The following SOX6 variants were observed in gnomAD, a reference collection of about 807,000 sequenced individuals.
SOX6 encodes SRY-box transcription factor 6.
In SOX6, 11 loss-of-function variants were observed where a neutral mutation model predicts 97.8. That is an observed-to-expected ratio of 0.11 (90% confidence interval 0.07 to 0.19). The LOEUF is 0.19. Among genes scored for constraint, SOX6 ranks in the 10% least tolerant of loss-of-function variants. SOX6 has a pLI of 1.00. For synonymous variants in SOX6, 360 were observed against 371.4 expected (o/e 0.97, Z 0.35); for missense variants, 810 against 1,039.5 (o/e 0.78, Z 3.04).
intron 3 of SOX6, among the ~76,000 whole-genome samples, chr11:16,688,393 C>T (rs1380069520): frequency 1.3e-5 from 2 of 152,182 alleles, no homozygotes; most frequent in South Asian, 2.1e-4. Context: ...TTCAGAGATT[C>T]CTATTACACA....
At chr11:16,108,226 T>C (rs1849144287) in intron 7 of SOX6, among the ~76,000 whole-genome samples, 1 of 152,106 alleles carries the variant, frequency 6.6e-6, no homozygotes, top group Non-Finnish European at 1.5e-5. Flanking sequence ...TATTATCATA[T>C]CATAACTAGT....
intron 6 of SOX6, among the ~76,000 whole-genome samples, chr11:16,137,330 G>A (rs1849994315): frequency 6.6e-6 from 1 of 152,146 alleles, no homozygotes; most frequent in Non-Finnish European, 1.5e-5. Flanking sequence ...GGATGCTGAG[G>A]CACAAGAATC....
At chr11:16,085,651 C>A (rs1400715693) in intron 9 of SOX6, among the ~76,000 whole-genome samples, 1 of 152,080 alleles carries the variant, frequency 6.6e-6, no homozygotes. Flanking sequence ...CCTTAGAATA[C>A]GAGAGGTTAA....
At chr11:16,221,239 A>G (rs566790385) in intron 4 of SOX6, among the ~76,000 whole-genome samples, 2 of 152,106 alleles carry the variant, frequency 1.3e-5, no homozygotes, top group South Asian at 4.1e-4. Flanking sequence ...CTGGTTTCTT[A>G]GCATGAATCA....
At chr11:16,702,052 A>G (rs1848099014) in intron 3 of SOX6, among the ~76,000 whole-genome samples, 2 of 152,228 alleles carry the variant, frequency 1.3e-5, no homozygotes, top group Non-Finnish European at 2.9e-5. Context: ...CAACAATACC[A>G]TAGAATTCAG....
chr11:16,539,802 C>T (rs1009128608), intron 4 of SOX6, among the ~76,000 whole-genome samples: 85 of 152,296 alleles, frequency 5.6e-4, no homozygotes, highest in African/African-American at 2.0e-3. Flanking sequence ...AGACCAATAA[C>T]AGGTTCTGAA....
chr11:16,009,024 T>C (rs184407679), intron 13 of SOX6, among the ~76,000 whole-genome samples: 179 of 152,166 alleles, frequency 1.2e-3, no homozygotes, highest in Non-Finnish European at 2.0e-3. Flanking sequence ...GACGCCATTT[T>C]GGGTAGCTAT....
chr11:16,380,926 C>A (rs1440032104), intron 1 of SOX6, among the ~76,000 whole-genome samples: 1 of 151,980 alleles, frequency 6.6e-6, no homozygotes, highest in Non-Finnish European at 1.5e-5. Flanking sequence ...CCAAAAGTCC[C>A]GGCCCTGATT....
At chr11:16,675,701 G>A (rs1471190849) in intron 3 of SOX6, among the ~76,000 whole-genome samples, 1 of 152,066 alleles carries the variant, frequency 6.6e-6, no homozygotes, top group Non-Finnish European at 1.5e-5. Context: ...CCTTCATATT[G>A]GAAAGATAGT....
chr11:16,325,061 T>C (rs188368026), intron 2 of SOX6, among the ~76,000 whole-genome samples: 2 of 152,288 alleles, frequency 1.3e-5, no homozygotes, highest in East Asian at 1.9e-4. Context: ...CACAATAAAA[T>C]GTTAATGGCC....
intron 1 of SOX6, among the ~76,000 whole-genome samples, chr11:16,398,617 T>C (rs1206061623): frequency 1.3e-5 from 2 of 151,506 alleles, no homozygotes; most frequent in Non-Finnish European, 3.0e-5. Flanking sequence ...ATGGGTCTTA[T>C]TGAGGTCTAG....
chr11:16,376,022 CTGT>C (rs1477988907), intron 1 of SOX6, among the ~76,000 whole-genome samples: 76 of 152,050 alleles, frequency 5.0e-4, no homozygotes, highest in Middle Eastern at 6.8e-3. Flanking sequence ...ACAATGGGGC[CTGT>C]CAGGGAGTTG....
At chr11:16,668,016 TC>T (rs1400706394) in intron 3 of SOX6, among the ~76,000 whole-genome samples, 1 of 152,208 alleles carries the variant, frequency 6.6e-6, no homozygotes, top group African/African-American at 2.4e-5. Flanking sequence ...GCAATCAGTG[TC>T]AAGTTATCAG....
chr11:16,399,198 G>A (rs1021569448), intron 1 of SOX6, among the ~76,000 whole-genome samples: 2 of 150,996 alleles, frequency 1.3e-5, no homozygotes, highest in African/African-American at 2.4e-5. Context: ...TAATTAAACA[G>A]GATCATGTTT....
At chr11:16,589,814 T>C (rs1159614809) in intron 4 of SOX6, among the ~76,000 whole-genome samples, 1 of 152,216 alleles carries the variant, frequency 6.6e-6, no homozygotes, top group African/African-American at 2.4e-5. Flanking sequence ...AATATAAATC[T>C]ATATTGCTGC....
intron 12 of SOX6, among the ~76,000 whole-genome samples, chr11:16,040,525 T>G (rs1467473209): frequency 6.6e-6 from 1 of 152,090 alleles, no homozygotes; most frequent in Non-Finnish European, 1.5e-5. Flanking sequence ...TTGATCTGTG[T>G]ATGTTCTTTT....
intron 12 of SOX6, among the ~76,000 whole-genome samples, chr11:16,025,099 G>A (rs1654182891): frequency 6.6e-6 from 1 of 152,084 alleles, no homozygotes; most frequent in Admixed American, 6.6e-5. Flanking sequence ...TTAACCAAAT[G>A]CTTTCTGTCT....
intron 4 of SOX6, among the ~76,000 whole-genome samples, chr11:16,534,556 GA>G (rs1861279711): frequency 1.3e-5 from 2 of 152,150 alleles, no homozygotes; most frequent in South Asian, 4.1e-4. Context: ...CAAAAGTTTG[GA>G]ATGTACTTTC....
intron 4 of SOX6, among the ~76,000 whole-genome samples, chr11:16,493,403 G>A (rs1198990161): frequency 6.6e-6 from 1 of 152,188 alleles, no homozygotes; most frequent in Non-Finnish European, 1.5e-5. Flanking sequence ...GTATAAGCAT[G>A]CATGCTCTGG....
Sources: gnomAD v4.1 joint callset for allele counts (sites outside exome capture counted in the v4.1 genomes callset) on GRCh38, gnomAD v4.1.1 for gene constraint, MANE v1.5 for transcripts, NCBI Gene and HGNC (gene_info 2026-07-23, HGNC 2026-07-21) for gene names.